Variants in ABCA13 observed in about 807,000 individuals in gnomAD.
ABCA13 encodes ATP binding cassette subfamily A member 13, also known as ATP-binding cassette sub-family A member 13.
Under a neutral mutation model 478.7 loss-of-function variants are expected in ABCA13, and 476 were observed. The ratio of observed to expected loss-of-function variants is 0.99; its 90% CI spans 0.92 to 1.07. The LOEUF (loss-of-function observed/expected upper bound fraction) is 1.07. Among genes scored for constraint, ABCA13 ranks in the 50% least tolerant of loss-of-function variants. The probability of loss-of-function intolerance (pLI) is 0.00; values close to 1 mark genes in which losing one functional copy is unlikely to be tolerated. For synonymous variants in ABCA13, 2,252 were observed against 2,158.9 expected (o/e 1.04, Z -1.20); for missense variants, 6,060 against 5,910.6 (o/e 1.03, Z -0.83).
At chr7:48,195,734 C>G (rs1489236116) in intron 2 of ABCA13, among the ~76,000 whole-genome samples, 2 of 152,150 alleles carry the variant, frequency 1.3e-5, no homozygotes, top group East Asian at 3.9e-4. Flanking sequence ...TCAAGAAGAG[C>G]ACATTCAAGG....
chr7:48,306,925 C>G (rs1478654988), intron 23 of ABCA13, among the ~76,000 whole-genome samples: 1 of 152,186 alleles, frequency 6.6e-6, no homozygotes, highest in Non-Finnish European at 1.5e-5. Flanking sequence ...TGTGAGTCAG[C>G]CTTATCCAAT....
chr7:48,233,608 AT>A (rs1211619625), intron 7 of ABCA13, among the ~76,000 whole-genome samples: 1 of 152,184 alleles, frequency 6.6e-6, no homozygotes, highest in Non-Finnish European at 1.5e-5. Context: ...CTTTCCCTGG[AT>A]ACTAGACACT....
chr7:48,623,483 C>T (rs1463626617), intron 59 of ABCA13, among the ~76,000 whole-genome samples: 1 of 152,170 alleles, frequency 6.6e-6, no homozygotes, highest in Non-Finnish European at 1.5e-5. Context: ...CAGTCAAGAG[C>T]AGTTAATAAC....
Position 48,239,287 on chromosome 7 carries a change from C to T in ABCA13, c.944C>T (p.Ser315Phe). ...SLEKMVCSVL[S>F]STSEDEAEKW... ...GAGAAGATGGTGTGTTCAGTCTTGT[C>T]TAGCACATCAGAGGATGAAGCTGAG... Residue 315 changes from serine to phenylalanine, a missense_variant, in exon 9 of 62, where the codon TCT becomes TTT. Ser to Phe is a radical substitution (Grantham distance 155). Transcript: ENST00000435803. 6.2e-7 allele frequency: 1 copy of T among 1,614,008 alleles called. No homozygotes were observed. The highest frequency in any genetic ancestry group is 8.5e-7 in the Non-Finnish European group (1 of 1,179,878).
intron 55 of ABCA13, among the ~76,000 whole-genome samples, chr7:48,547,968 CT>C (rs1338742581): frequency 6.6e-6 from 1 of 151,810 alleles, no homozygotes; most frequent in African/African-American, 2.4e-5. Flanking sequence ...GTATTTGCTA[CT>C]TGTTGATGTT....
intron 24 of ABCA13, among the ~76,000 whole-genome samples, chr7:48,310,917 G>A (rs1801683616): frequency 6.6e-6 from 1 of 152,000 alleles, no homozygotes; most frequent in African/African-American, 2.4e-5. Context: ...CCTCCTTCTG[G>A]CCTCTACTGT....
intron 55 of ABCA13, among the ~76,000 whole-genome samples, chr7:48,567,544 G>C (rs1787202058): frequency 1.3e-5 from 2 of 151,918 alleles, no homozygotes; most frequent in African/African-American, 4.8e-5. Context: ...GAACATTTGT[G>C]CTAGGTGATT....
intron 55 of ABCA13, among the ~76,000 whole-genome samples, chr7:48,557,927 A>G (rs1786011741): frequency 6.6e-6 from 1 of 151,980 alleles, no homozygotes; most frequent in Non-Finnish European, 1.5e-5. Context: ...AAGGTCAATA[A>G]CTCTTAGATT....
Position 48,274,981 on chromosome 7 carries a change from T to G in ABCA13, c.5315T>G (p.Val1772Gly). 6.2e-7 allele frequency: 1 copy of G among 1,613,958 alleles called. No homozygotes were observed. The highest frequency in any genetic ancestry group is 8.5e-7 in the Non-Finnish European group (1 of 1,179,852). ...GKNITEGLKD[V>G]YSFTLLHGIT... is the part of the protein sequence containing the mutation. ...AACATCACTGAAGGCCTCAAGGATG[T>G]CTACAGCTTCACACTCCTTCATGGC... The change falls in exon 17 of 62, where the codon GTC (valine) becomes GGC (glycine). Residue 1772 changes from valine (V) to glycine (G), a missense_variant. Around this residue, in one of 3 missense-constraint regions of ABCA13, gnomAD observed 4,423 missense variants for 4,309.1 expected, o/e 1.03. Coordinates refer to ENST00000435803, the MANE Select transcript of ABCA13 (RefSeq NM_152701.5).
chr7:48,202,381 A>C (rs1434165260), intron 3 of ABCA13, among the ~76,000 whole-genome samples: 1 of 152,192 alleles, frequency 6.6e-6, no homozygotes, highest in East Asian at 1.9e-4. Context: ...CCAAGGCCCC[A>C]GGAGAGGAGC....
intron 54 of ABCA13, among the ~76,000 whole-genome samples, 167 bp from the exon 55 acceptor site, chr7:48,528,069 C>T (rs1832996051): frequency 6.6e-6 from 1 of 152,162 alleles, no homozygotes; most frequent in African/African-American, 2.4e-5. Context: ...GTGTTTTATA[C>T]ACTATTGTCA....
chr7:48,213,418 C>G (rs1584232298), intron 3 of ABCA13, among the ~76,000 whole-genome samples: 1 of 152,272 alleles, frequency 6.6e-6, no homozygotes, highest in Non-Finnish European at 1.5e-5. Context: ...ATGTACATAA[C>G]TTAAATAAAG....
At chr7:48,431,358 A>T (rs1822127002) in intron 42 of ABCA13, among the ~76,000 whole-genome samples, 1 of 151,578 alleles carries the variant, frequency 6.6e-6, no homozygotes, top group South Asian at 2.1e-4. Flanking sequence ...CAACAACAAC[A>T]ACAACAACAA....
At chr7:48,177,542 G>T (rs1007019418) in intron 1 of ABCA13, among the ~76,000 whole-genome samples, 11 of 152,208 alleles carry the variant, frequency 7.2e-5, no homozygotes, top group African/African-American at 2.7e-4. Context: ...TGCGGGACAA[G>T]ATTGGCAGTG....
chr7:48,345,777 G>A (rs964751308), intron 29 of ABCA13, among the ~76,000 whole-genome samples: 2 of 152,142 alleles, frequency 1.3e-5, no homozygotes, highest in African/African-American at 2.4e-5. Flanking sequence ...TTTATAAAGT[G>A]TATAAAGTTT....
intron 55 of ABCA13, among the ~76,000 whole-genome samples, chr7:48,564,963 C>T (rs1278946344): frequency 6.6e-6 from 1 of 152,020 alleles, no homozygotes; most frequent in African/African-American, 2.4e-5. Flanking sequence ...TAAAGGAGTT[C>T]TAAGAAAACT....
chr7:48,295,073 AG>A (rs1426052203), intron 20 of ABCA13, among the ~76,000 whole-genome samples: 5 of 152,130 alleles, frequency 3.3e-5, no homozygotes, highest in Non-Finnish European at 7.4e-5. Context: ...ATCATATGGT[AG>A]TTCCATTTTT....
chr7:48,185,178 A>C (rs1048225838), intron 1 of ABCA13, among the ~76,000 whole-genome samples: 1 of 152,148 alleles, frequency 6.6e-6, no homozygotes, highest in African/African-American at 2.4e-5. Context: ...TTGCAGAAGA[A>C]ATTATTGTCC....
At chr7:48,249,469 C>A in intron 15 of ABCA13, 118 bp downstream of exon 15, 1 of 1,325,496 alleles carries the variant, frequency 7.5e-7, no homozygotes, top group Non-Finnish European at 1.1e-6. Flanking sequence ...GGTGGCTCTC[C>A]AAGCACAATT....
Sources: allele counts gnomAD v4.1 joint callset (sites outside exome capture counted in the v4.1 genomes callset), GRCh38; gene constraint gnomAD v4.1.1; regional missense constraint gnomAD v4.1.1; transcripts MANE v1.5; gene names NCBI Gene and HGNC (gene_info 2026-07-23, HGNC 2026-07-21).